The following TDRD12 variants were observed in gnomAD, a reference collection of about 807,000 sequenced individuals.
The protein encoded by TDRD12 is tudor domain containing 12, also known as putative ATP-dependent RNA helicase TDRD12.
A neutral mutation model predicts 133.5 loss-of-function variants in TDRD12; 158 were observed. The observed-to-expected ratio is 1.18, with a 90% CI of 1.04 to 1.35. The LOEUF (loss-of-function observed/expected upper bound fraction) is 1.35. TDRD12 is among the 40% of genes most tolerant of loss of function. The pLI, the probability that TDRD12 is intolerant of heterozygous loss-of-function variation, is 0.00. For synonymous variants in TDRD12, 460 were observed against 477.9 expected, an observed-to-expected ratio of 0.96 and a Z score of 0.49; for missense variants, 1,443 against 1,321.3, an observed-to-expected ratio of 1.09 and a Z score of -1.43.
chr19:32,791,876 C>T (rs1189825360), intron 13 of TDRD12, among the ~76,000 whole-genome samples: 4 of 151,006 alleles, frequency 2.6e-5, no homozygotes, highest in East Asian at 2.0e-4. Flanking sequence ...TCCAGTTGGG[C>T]GTTAGTGTCT....
chr19:32,739,116 C>T (rs1969314023), intron 3 of TDRD12, 124 bp downstream of exon 3: 4 of 1,185,950 alleles, frequency 3.4e-6, no homozygotes, highest in Non-Finnish European at 4.7e-6. Flanking sequence ...AACTGGAGTT[C>T]TTTAGCTTCC....
At chr19:32,771,980 T>G (rs1029953530) in intron 8 of TDRD12, among the ~76,000 whole-genome samples, 3 of 152,220 alleles carry the variant, frequency 2.0e-5, no homozygotes, top group Non-Finnish European at 4.4e-5. Flanking sequence ...CCCTCATAAA[T>G]GATTGCCGGG....
rs1000530675 is a variant in TDRD12, at chr19:32,771,130, CAA to C, written c.866-1622_866-1621del. Among the ~76,000 whole-genome samples, 7 of 152,096 alleles carry C rather than the reference CAA, an allele frequency of 4.6e-5. No homozygotes were observed. The East Asian group carries it at 5.8e-4, about 13-fold the overall frequency. On this transcript the variant is annotated intron_variant, in intron 8 of 27. Transcript: ENST00000444215. ...GGAACAGGAGCTGCATGTCACCTGT[CAA>C]GAGAGGAAGAGAGAAAGTGGAGGGA... is the stretch of plus-strand genomic sequence containing the variant.
chr19:32,746,184 G>C lies in TDRD12; in HGVS notation c.441-2292G>C, dbSNP rs112096742. Among the ~76,000 whole-genome samples the C allele has an allele frequency of 3.7e-4, 55 of 150,538 alleles. 1 individual carries two copies. The highest frequency in any genetic ancestry group is 1.3e-3 in the African/African-American group (55 of 40,834). ...GGTTATTCTGTGTGTGAGAGAGACGGGGAGACTGGCTGATGTGGTTATTCT... is the reference window on the plus strand; with the variant it reads ...GGTTATTCTGTGTGTGAGAGAGACGCGGAGACTGGCTGATGTGGTTATTCT... On this transcript the variant is annotated intron_variant, in intron 4 of 27. Coordinates refer to ENST00000444215, the Ensembl canonical transcript of TDRD12.
intron 11 of TDRD12, among the ~76,000 whole-genome samples, chr19:32,782,818 G>T (rs906041700): frequency 2.0e-5 from 3 of 152,068 alleles, no homozygotes; most frequent in African/African-American, 7.2e-5. Flanking sequence ...GGGGTTGTTT[G>T]CTTTTTTCCT....
Position 32,803,002 on chromosome 19 carries a change from C to T in TDRD12, c.2412C>T (p.Gly804=), listed in dbSNP as rs541196125. The change falls in exon 21 of 28, where the codon GGC becomes GGT. Residue 804 remains glycine, a synonymous_variant. Transcript: ENST00000444215. The stretch of plus-strand genomic sequence containing the variant: ...AGAAAGATGCGAGCCATGCGGTGGG[C>T]GTCCTGCGCTACTTGGAGCGAGCGG... The T allele has an allele frequency of 1.9e-4, 286 of 1,536,062 alleles. No individual in the cohort carries two copies. In the African/African-American group the frequency reaches 3.5e-3, roughly 19 times the overall value.
At chr19:32,724,706 A>G (rs1159562836) in intron 1 of TDRD12, among the ~76,000 whole-genome samples, 1 of 152,206 alleles carries the variant, frequency 6.6e-6, no homozygotes. Context: ...TCTTTATAAC[A>G]GAATGATTGA....
intron 9 of TDRD12, chr19:32,826,691 C>T (rs187809854): frequency 3.0e-5 from 37 of 1,232,358 alleles, no homozygotes; most frequent in Middle Eastern, 3.1e-4. Flanking sequence ...AGAACCCCAA[C>T]GTGGCTTTTG....
At chr19:32,739,611 GGGT>G (rs1969337849) in intron 3 of TDRD12, among the ~76,000 whole-genome samples, 1 of 147,220 alleles carries the variant, frequency 6.8e-6, no homozygotes, top group African/African-American at 2.5e-5. Context: ...TGCATCTCCT[GGGT>G]GCTGTCTGCA....
At chr19:32,745,358 A>G (rs946028784) in intron 4 of TDRD12, among the ~76,000 whole-genome samples, 10 of 152,312 alleles carry the variant, frequency 6.6e-5, no homozygotes, top group Admixed American at 2.0e-4. Context: ...CTTCTTTGAC[A>G]TCTGATGCCT....
At chr19:32,815,422 A>G in intron 25 of TDRD12, 26 bp from the exon 26 acceptor site, 1 of 1,516,346 alleles carries the variant, frequency 6.6e-7, no homozygotes, top group South Asian at 1.2e-5. Context: ...ATTACTGCTA[A>G]TGTTCAATTT....
chr19:32,743,577 A>G (rs541431199), intron 4 of TDRD12, among the ~76,000 whole-genome samples: 3 of 151,836 alleles, frequency 2.0e-5, no homozygotes, highest in East Asian at 3.9e-4. Context: ...GTCCATTGCA[A>G]TTTTCTCCAG....
At chr19:32,764,938 A>G (rs971221547) in intron 8 of TDRD12, among the ~76,000 whole-genome samples, 2 of 152,202 alleles carry the variant, frequency 1.3e-5, no homozygotes, top group Admixed American at 1.3e-4. Context: ...AACTACCATC[A>G]GAGTGAACAG....
Position 32,820,174 on chromosome 19 carries a change from T to C in TDRD12, c.3384-859T>C, listed in dbSNP as rs111322690. Among the ~76,000 whole-genome samples the C allele has an allele frequency of 1.4e-4, 21 of 152,146 alleles. 1 individual carries two copies. Among genetic ancestry groups the C allele is most frequent in the African/African-American group, 5.1e-4 (21 of 41,512 alleles). On this transcript the variant is annotated intron_variant, in intron 27 of 27. Coordinates refer to ENST00000444215, the Ensembl canonical transcript of TDRD12. ...TCTGGAAAGTGCCACACTGCAGGCTTCTTCTGGGCCCCTCAGAAGACAGGC... is the reference window on the plus strand; with the variant it reads ...TCTGGAAAGTGCCACACTGCAGGCTCCTTCTGGGCCCCTCAGAAGACAGGC...
intron 8 of TDRD12, among the ~76,000 whole-genome samples, chr19:32,770,980 C>T (rs1294939930): frequency 2.0e-5 from 3 of 152,096 alleles, no homozygotes; most frequent in African/African-American, 7.2e-5. Context: ...AAAGGAATAC[C>T]TGAGACAATA....
chr19:32,757,181 C>T, intron 8 of TDRD12, 51 bp downstream of exon 8: 1 of 1,414,852 alleles, frequency 7.1e-7, no homozygotes, highest in African/African-American at 1.4e-5. Context: ...AAAAAATATT[C>T]TTAGCTTTTT....
chr19:32,782,659 C>T (rs553614831), intron 11 of TDRD12, among the ~76,000 whole-genome samples: 1 of 152,212 alleles, frequency 6.6e-6, no homozygotes, highest in Non-Finnish European at 1.5e-5. Flanking sequence ...GATCGCCATT[C>T]TAACTGGCAT....
chr19:32,731,501 G>A (rs2145434362), intron 1 of TDRD12, among the ~76,000 whole-genome samples: 1 of 152,122 alleles, frequency 6.6e-6, no homozygotes, highest in South Asian at 2.1e-4. Context: ...GGGAGATTGA[G>A]GACATCCGTT....
In TDRD12 at chr19:32,729,145, C is replaced by T. The variant is rs1402870385; in HGVS notation, c.25-2580C>T. Among the ~76,000 whole-genome samples the T allele has an allele frequency of 4.1e-5, 6 of 147,532 alleles. 1 individual carries two copies. Among genetic ancestry groups the T allele is most frequent in the South Asian group, 4.3e-4 (2 of 4,674 alleles). ...TTTATAATAGCTGTTTTTAAGTCCT[C>T]GCCTGTTAATTCCAATATCTGGGTA... On this transcript the variant is annotated intron_variant, in intron 1 of 27. Transcript: ENST00000444215.
Sources: allele counts gnomAD v4.1 joint callset (sites outside exome capture counted in the v4.1 genomes callset), GRCh38; gene constraint gnomAD v4.1.1; transcripts MANE v1.5; gene names NCBI Gene and HGNC (gene_info 2026-07-23, HGNC 2026-07-21).